The following KCNQ5 variants were observed in gnomAD, a reference collection of about 807,000 sequenced individuals.
KCNQ5 encodes potassium voltage-gated channel subfamily KQT member 5.
KCNQ5 carries 30 observed loss-of-function variants against 98.2 expected under a neutral mutation model. The ratio of observed to expected loss-of-function variants is 0.31; its 90% CI spans 0.23 to 0.41. The LOEUF (loss-of-function observed/expected upper bound fraction) is 0.41. KCNQ5 is among the 10% of genes least tolerant of loss of function. The pLI, the probability that KCNQ5 is intolerant of heterozygous loss-of-function variation, is 1.00. For synonymous variants in KCNQ5, 458 were observed against 449.4 expected, an observed-to-expected ratio of 1.02 and a Z score of -0.24; for missense variants, 835 against 1,182.5, an observed-to-expected ratio of 0.71 and a Z score of 4.31.
rs572807839 is a variant in KCNQ5, at chr6:72,983,076, C to T, written c.399-20832C>T. 1.4e-4 allele frequency among the ~76,000 whole-genome samples: 22 copies of T among 152,242 alleles called. No individual in the cohort carries two copies. The South Asian group carries it at 1.7e-3, about 11-fold the overall frequency. On this transcript the variant is annotated intron_variant, in intron 1 of 13. Transcript: ENST00000370398. ...GATGGGCTTCCCTTTGTGGGTAACC[C>T]GACCTTTCTCTCTGGCTGCCCTTAA... is the stretch of plus-strand genomic sequence containing the variant.
chr6:72,981,088 G>C (rs923853532), intron 1 of KCNQ5, among the ~76,000 whole-genome samples: 3 of 152,052 alleles, frequency 2.0e-5, no homozygotes, highest in African/African-American at 7.2e-5. Flanking sequence ...TTTTCTCATC[G>C]ATATTCCTCG....
chr6:72,662,601 T>C (rs1008664277), intron 1 of KCNQ5, among the ~76,000 whole-genome samples: 6 of 127,872 alleles, frequency 4.7e-5, no homozygotes, highest in African/African-American at 1.9e-4. Context: ...AACTTGGAAA[T>C]AACTTTTTTT....
chr6:73,147,037 G>A (rs548241560), intron 10 of KCNQ5, among the ~76,000 whole-genome samples: 8 of 152,198 alleles, frequency 5.3e-5, no homozygotes, highest in South Asian at 2.1e-4. Context: ...GAATTAATCC[G>A]ACACAGTGCA....
chr6:72,762,761 G>C (rs17741316), intron 1 of KCNQ5, among the ~76,000 whole-genome samples: 3,213 of 152,186 alleles, frequency 0.021, 113 homozygotes, highest in African/African-American at 0.069. Flanking sequence ...GTTTGCTGCT[G>C]TTTGAATAAC....
At chr6:72,937,327 CTA>C (rs1317095081) in intron 1 of KCNQ5, among the ~76,000 whole-genome samples, 1 of 152,140 alleles carries the variant, frequency 6.6e-6, no homozygotes, top group African/African-American at 2.4e-5. Context: ...AGGCAAAGAA[CTA>C]TGTCTTCCTT....
At chr6:73,124,109 G>C (rs1775853235) in intron 8 of KCNQ5, among the ~76,000 whole-genome samples, 1 of 152,182 alleles carries the variant, frequency 6.6e-6, no homozygotes, top group African/African-American at 2.4e-5. Flanking sequence ...AGAAACCAAA[G>C]TCTGCCAGAT....
At chr6:73,080,404 T>C (rs554434911) in intron 5 of KCNQ5, among the ~76,000 whole-genome samples, 1 of 152,298 alleles carries the variant, frequency 6.6e-6, no homozygotes, top group African/African-American at 2.4e-5. Flanking sequence ...CGTAGCAGGT[T>C]TGTTGATATT....
At chr6:72,921,891 A>G (rs142224062) in intron 1 of KCNQ5, among the ~76,000 whole-genome samples, 47 of 152,324 alleles carry the variant, frequency 3.1e-4, no homozygotes, top group African/African-American at 1.1e-3. Context: ...TGATCTGAAT[A>G]TATTAACTTT....
intron 1 of KCNQ5, among the ~76,000 whole-genome samples, chr6:72,750,469 A>G (rs1771618892): frequency 6.6e-6 from 1 of 152,084 alleles, no homozygotes; most frequent in South Asian, 2.1e-4. Flanking sequence ...TGGATTTATT[A>G]ATTTTATAAA....
rs1029107420 is a variant in KCNQ5, at chr6:72,683,145, T to C, written c.398+60558T>C. Among the ~76,000 whole-genome samples, 4 of 152,264 alleles carry C rather than the reference T, an allele frequency of 2.6e-5. No homozygotes were observed. In the East Asian group the frequency reaches 7.7e-4, roughly 29 times the overall value. ...AGAAATTATGGGTAATTAACTCAAG[T>C]TCACACAAATGCTAAGTGTTAAAAC... On this transcript the variant is annotated intron_variant, in intron 1 of 13. Transcript: ENST00000370398.
Position 73,105,367 on chromosome 6 carries a change from CGTGA to C in KCNQ5, c.1029+3_1029+6del, listed in dbSNP as rs1562181698. On this transcript the variant is annotated splice_donor_variant and splice_donor_region_variant and intron_variant, in intron 6 of 13. Transcript: ENST00000370398. LOFTEE classifies it high-confidence loss of function. ...GCATTTCTTTCTTTGCACTTCCTGC[CGTGA>C]GTATCTTTGCACCAATAAAGCAGTT... The C allele has an allele frequency of 6.3e-7, 1 of 1,590,554 alleles. No homozygotes were observed.
At chr6:72,757,725 A>G (rs1354665712) in intron 1 of KCNQ5, among the ~76,000 whole-genome samples, 1 of 152,166 alleles carries the variant, frequency 6.6e-6, no homozygotes, top group East Asian at 1.9e-4. Flanking sequence ...GACCATCTCT[A>G]TGTCCTTCAT....
rs78645548 is a variant in KCNQ5 at position 73,097,317 on chromosome 6, G to A, written c.919-7940G>A. ...CAGATTCCCCATGTAGTGAAAACAT[G>A]CAGTATTTACCTTTCTGTGCCTGGC... On this transcript the variant is annotated intron_variant, in intron 5 of 13. Transcript: ENST00000370398. Among the ~76,000 whole-genome samples, 713 of 151,736 alleles carry A rather than the reference G, an allele frequency of 4.7e-3. 8 individuals are homozygous for A. Among genetic ancestry groups the A allele is most frequent in the African/African-American group, 0.016 (670 of 41,452 alleles).
chr6:72,712,747 C>T (rs1431050860), intron 1 of KCNQ5, among the ~76,000 whole-genome samples: 1 of 152,154 alleles, frequency 6.6e-6, no homozygotes, highest in Non-Finnish European at 1.5e-5. Context: ...TTTACTACCT[C>T]CTCCTGTTAC....
At position 73,192,679 on chromosome 6, in the gene KCNQ5, G is replaced by T. The variant is rs144924911; in HGVS notation, c.1824G>T (p.Lys608Asn). The part of the protein sequence containing the change: ...DDLSMLGRVV[K>N]VEKQVQSIES... ...TCAGTATGCTCGGTCGGGTGGTCAA[G>T]GTTGAAAAACAGGTACAACTCAACT... Residue 608 changes from lysine (K) to asparagine (N), a missense_variant, in exon 13 of 14, where the codon AAG (lysine) becomes AAT (asparagine). Transcript: ENST00000370398. The T allele has an allele frequency of 6.3e-7, 1 of 1,587,160 alleles. No individual in the cohort carries two copies. The highest frequency in any genetic ancestry group is 8.6e-7 in the Non-Finnish European group (1 of 1,168,092).
intron 1 of KCNQ5, among the ~76,000 whole-genome samples, chr6:72,647,365 G>T (rs1042686492): frequency 1.3e-5 from 2 of 151,942 alleles, no homozygotes; most frequent in Admixed American, 1.3e-4. Flanking sequence ...GTAAGGTAAA[G>T]TTGTGAGGAA....
rs555940884 is a variant in KCNQ5 at position 72,665,412 on chromosome 6, C to T, written c.398+42825C>T. 8.6e-5 allele frequency among the ~76,000 whole-genome samples: 13 copies of T among 151,470 alleles called. No individual in the cohort carries two copies. The East Asian group carries it at 9.7e-4, about 11-fold the overall frequency. ...GATAAAACCCATTTGTGTAATATGG[C>T]GTTTTAAAAGTAAGTACCAGAGTCT... On this transcript the variant is annotated intron_variant, in intron 1 of 13. Coordinates refer to ENST00000370398, the MANE Select transcript of KCNQ5 (RefSeq NM_019842.4).
intron 1 of KCNQ5, among the ~76,000 whole-genome samples, chr6:72,726,634 G>T (rs539713419): frequency 3.5e-4 from 53 of 152,250 alleles, no homozygotes; most frequent in African/African-American, 1.2e-3. Context: ...GCCAGTGCAG[G>T]CATGGCAAAT....
chr6:72,731,674 C>T (rs1038249387), intron 1 of KCNQ5, among the ~76,000 whole-genome samples: 2 of 152,098 alleles, frequency 1.3e-5, no homozygotes, highest in African/African-American at 2.4e-5. Flanking sequence ...CAAGTGAAGC[C>T]GGTTCTCTTC....
Sources: gnomAD v4.1 joint callset for allele counts (sites outside exome capture counted in the v4.1 genomes callset) on GRCh38, gnomAD v4.1.1 for gene constraint, MANE v1.5 for transcripts, NCBI Gene and HGNC (gene_info 2026-07-23, HGNC 2026-07-21) for gene names.